Variants in MVB12B observed in about 807,000 individuals in gnomAD.
MVB12B encodes the protein multivesicular body subunit 12B.
Under a neutral mutation model 41.6 loss-of-function variants are expected in MVB12B, and 16 were observed. The observed-to-expected ratio is 0.38, with a 90% CI of 0.26 to 0.58. The LOEUF (loss-of-function observed/expected upper bound fraction) is 0.58, where lower values mean the gene tolerates loss of function less well. MVB12B is among the 20% of genes least tolerant of loss of function. The pLI is 0.62. For missense variants in MVB12B, 274 were observed against 380.2 expected, an observed-to-expected ratio of 0.72 and a Z score of 2.32; for synonymous variants, 133 against 139.7, an observed-to-expected ratio of 0.95 and a Z score of 0.34.
At position 126,503,227 on chromosome 9, in the gene MVB12B, C is replaced by T. The variant is rs1033053186; in HGVS notation, c.924C>T (p.Pro308=). The T allele has an allele frequency of 2.6e-6, 4 of 1,550,458 alleles. No individual in the cohort carries two copies. The highest frequency in any genetic ancestry group is 2.7e-5 in the African/African-American group (2 of 73,040). The stretch of plus-strand genomic sequence containing the variant: ...AGAGCGCAGCCGCCAGGCTCCCGCC[C>T]AGCCCCACCAGGTGTCAGCAGATCC... ...TEQSAAARLP[P]SPTRCQQIPQ... The change falls in exon 10 of 10, where the codon CCC becomes CCT. Residue 308 remains proline (P), a synonymous_variant. Coordinates refer to ENST00000361171, the MANE Select transcript of MVB12B (RefSeq NM_033446.3).
chr9:126,467,768 T>C (rs1445995049), intron 7 of MVB12B, among the ~76,000 whole-genome samples: 1 of 152,212 alleles, frequency 6.6e-6, no homozygotes, highest in Non-Finnish European at 1.5e-5. Context: ...CCATGATTCT[T>C]TGAGAACCTC....
At position 126,395,544 on chromosome 9, in the gene MVB12B, G is replaced by C. The variant is rs377315588; in HGVS notation, c.540-31G>C. 5.8e-5 allele frequency: 94 copies of C among 1,613,618 alleles called. No homozygotes were observed. The highest frequency in any genetic ancestry group is 3.3e-4 in the Middle Eastern group (2 of 6,060). ...TCAGGTAAATGCTTTGTGCTAACCA[G>C]AGCCATGAAGATTTCTCTTTTTTCC... On this transcript the variant is annotated intron_variant, in intron 5 of 9. Transcript: ENST00000361171. This position sits in a 1 kb window ranked among gnomAD's most constrained non-coding sequence, Gnocchi z 4.9.
intron 6 of MVB12B, among the ~76,000 whole-genome samples, chr9:126,401,781 T>C (rs1831275732): frequency 6.6e-6 from 1 of 152,218 alleles, no homozygotes; most frequent in South Asian, 2.1e-4. Flanking sequence ...CCTCTGGACA[T>C]GGGGATCAAC....
At chr9:126,366,499 ATG>A (rs1302716866) in intron 2 of MVB12B, among the ~76,000 whole-genome samples, 1 of 152,272 alleles carries the variant, frequency 6.6e-6, no homozygotes, top group Middle Eastern at 3.4e-3. Flanking sequence ...TTTAGTTTGT[ATG>A]TGTGTGTGTT....
chr9:126,468,210 A>G lies in MVB12B; in HGVS notation c.758-13159A>G, dbSNP rs142277285. Among the ~76,000 whole-genome samples, 1,255 of 152,186 alleles carry G rather than the reference A, an allele frequency of 8.2e-3. 22 individuals are homozygous for G. The highest frequency in any genetic ancestry group is 0.01 in the Non-Finnish European group (692 of 67,994). On this transcript the variant is annotated intron_variant, in intron 7 of 9. Coordinates refer to ENST00000361171, the MANE Select transcript of MVB12B (RefSeq NM_033446.3). This position sits in a 1 kb window ranked among gnomAD's most constrained non-coding sequence, Gnocchi z 4.3. ...GTTCCAGAATATTTCATCTTCTCTC[A>G]TGGTCTCAATTATCACCATGCTGGT... is the stretch of plus-strand genomic sequence containing the variant.
Position 126,340,372 on chromosome 9 carries a change from A to G in MVB12B, c.82-136A>G. ...CCTGGGGAAAGGGTCACATAGGGTC[A>G]GGACTCATTCAACCAGTACAGGTAT... On this transcript the variant is annotated intron_variant, in intron 1 of 9. Coordinates refer to ENST00000361171, the MANE Select transcript of MVB12B (RefSeq NM_033446.3). This position sits in a 1 kb window ranked among gnomAD's most constrained non-coding sequence, Gnocchi z 4.0. 1.1e-6 allele frequency: 1 copy of G among 878,880 alleles called. No individual in the cohort carries two copies. The highest frequency in any genetic ancestry group is 1.8e-6 in the Non-Finnish European group (1 of 567,910). 54.4% of individuals were successfully genotyped at this position (878,880 alleles called of 1,614,324 possible).
chr9:126,488,898 G>A (rs960505261), intron 9 of MVB12B, among the ~76,000 whole-genome samples: 1 of 152,210 alleles, frequency 6.6e-6, no homozygotes, highest in Admixed American at 6.5e-5. Context: ...AACAAACCGT[G>A]TGACCCTGTG....
At chr9:126,446,289 T>C (rs1832763980) in intron 7 of MVB12B, among the ~76,000 whole-genome samples, 1 of 152,136 alleles carries the variant, frequency 6.6e-6, no homozygotes. Context: ...AGAAAGTTAT[T>C]GTTATATTTC....
intron 7 of MVB12B, among the ~76,000 whole-genome samples, chr9:126,435,658 CAAAAA>C (rs34798291): frequency 8.0e-6 from 1 of 125,078 alleles, no homozygotes; most frequent in Non-Finnish European, 1.7e-5. Flanking sequence ...TTATTTTAGC[CAAAAA>C]AAAAAAAAAA....
chr9:126,336,424 G>C (rs1171072576), intron 1 of MVB12B, among the ~76,000 whole-genome samples: 3 of 152,216 alleles, frequency 2.0e-5, no homozygotes, highest in African/African-American at 7.2e-5. Context: ...CACTGTTGTA[G>C]TAATTCTTTG....
chr9:126,373,014 G>T (rs1297537814), intron 2 of MVB12B, among the ~76,000 whole-genome samples: 1 of 152,186 alleles, frequency 6.6e-6, no homozygotes. Context: ...GCCCAGAGGG[G>T]TGCAAGGCCA....
At chr9:126,432,300 C>CCTTCACCTGCTCTTAGCA (rs1480468966) in intron 7 of MVB12B, among the ~76,000 whole-genome samples, 1 of 152,226 alleles carries the variant, frequency 6.6e-6, no homozygotes, top group Non-Finnish European at 1.5e-5. Context: ...TGAGCCCAGC[C>CCTTCACCTGCTCTTAGCA]CTTCACCTGC....
chr9:126,392,356 G>A lies in MVB12B; in HGVS notation c.539+161G>A, dbSNP rs1483859606. Among the ~76,000 whole-genome samples, 1 of 152,136 alleles carries A rather than the reference G, an allele frequency of 6.6e-6. No homozygotes were observed. Among genetic ancestry groups the A allele is most frequent in the Non-Finnish European group, 1.5e-5 (1 of 68,026 alleles). ...CTCGCTGCCCTTCCTGCTCAGCTGCGGTCTCTCTGAGCCTCGGCTCGCACT... is the reference window on the plus strand; with the variant it reads ...CTCGCTGCCCTTCCTGCTCAGCTGCAGTCTCTCTGAGCCTCGGCTCGCACT... On this transcript the variant is annotated intron_variant, in intron 5 of 9. Transcript: ENST00000361171. The surrounding 1 kb of genome is among the most constrained non-coding windows in gnomAD (Gnocchi z 4.8).
At chr9:126,423,993 C>A (rs1832099761) in intron 7 of MVB12B, among the ~76,000 whole-genome samples, 1 of 152,182 alleles carries the variant, frequency 6.6e-6, no homozygotes, top group South Asian at 2.1e-4. Flanking sequence ...TGAAATGAAT[C>A]ATCAAACCGT....
At chr9:126,434,927 C>T (rs1832428534) in intron 7 of MVB12B, among the ~76,000 whole-genome samples, 1 of 152,204 alleles carries the variant, frequency 6.6e-6, no homozygotes, top group Non-Finnish European at 1.5e-5. Flanking sequence ...GCCCAATGCC[C>T]AGCCCAGGGC....
chr9:126,331,369 A>G (rs1345410678), intron 1 of MVB12B, among the ~76,000 whole-genome samples: 1 of 152,172 alleles, frequency 6.6e-6, no homozygotes, highest in African/African-American at 2.4e-5. Flanking sequence ...GTGGCAAGTG[A>G]TGTTGAGCAT....
At chr9:126,406,353 T>G (rs922620779) in intron 6 of MVB12B, among the ~76,000 whole-genome samples, 8 of 152,244 alleles carry the variant, frequency 5.3e-5, no homozygotes, top group Admixed American at 5.2e-4. Flanking sequence ...CAAATTGTTT[T>G]CCACAGCTTT....
At chr9:126,469,129 T>C (rs1448783131) in intron 7 of MVB12B, among the ~76,000 whole-genome samples, 2 of 152,172 alleles carry the variant, frequency 1.3e-5, no homozygotes, top group African/African-American at 4.8e-5. Flanking sequence ...ACAGCTATGA[T>C]GGCACCACTG....
intron 9 of MVB12B, among the ~76,000 whole-genome samples, chr9:126,498,834 G>T (rs1012722336): frequency 6.6e-6 from 1 of 152,242 alleles, no homozygotes; most frequent in African/African-American, 2.4e-5. Flanking sequence ...GGCTGGAGGG[G>T]CAGTGCACTT....
Sources: allele counts gnomAD v4.1 joint callset (sites outside exome capture counted in the v4.1 genomes callset), GRCh38; gene constraint gnomAD v4.1.1; non-coding constraint Gnocchi (gnomAD v3.1); transcripts MANE v1.5; gene names NCBI Gene and HGNC (gene_info 2026-07-23, HGNC 2026-07-21).